Variants in STXBP6 observed in about 807,000 individuals in gnomAD.
STXBP6 encodes syntaxin-binding protein 6.
A neutral mutation model predicts 26.9 loss-of-function variants in STXBP6; 21 were observed. The observed-to-expected ratio is 0.78, with a 90% CI of 0.55 to 1.12. The LOEUF is 1.12. Among genes scored for constraint, STXBP6 ranks in the 50% most tolerant of loss-of-function variants. STXBP6 has a pLI of 0.00. For missense variants in STXBP6, 232 were observed against 257.9 expected, an observed-to-expected ratio of 0.90 and a Z score of 0.69; for synonymous variants, 97 against 92.6, an observed-to-expected ratio of 1.05 and a Z score of -0.27.
At chr14:24,885,994 G>C (rs376673491) in intron 2 of STXBP6, among the ~76,000 whole-genome samples, 12 of 152,166 alleles carry the variant, frequency 7.9e-5, no homozygotes, top group African/African-American at 2.9e-4. Context: ...CACTTATCCA[G>C]GGTAAACATG....
intron 2 of STXBP6, among the ~76,000 whole-genome samples, chr14:24,887,912 A>G (rs944896941): frequency 6.6e-6 from 1 of 152,178 alleles, no homozygotes; most frequent in Admixed American, 6.6e-5. Flanking sequence ...ATTTTAGGAC[A>G]CACTGCATTT....
chr14:24,929,096 G>C (rs1350846503), intron 2 of STXBP6, among the ~76,000 whole-genome samples: 1 of 152,064 alleles, frequency 6.6e-6, no homozygotes, highest in East Asian at 1.9e-4. Context: ...AGTGAAAAAA[G>C]GCCTCCAAAA....
rs979237282 is a variant in STXBP6 at position 25,040,903 on chromosome 14, C to T, written c.-33+8975G>A. ...AGATAGACCAGTAAGTATGTGGTTG[C>T]CAATGACAAAAAAGGATCTGAAGTC... On this transcript the variant is annotated intron_variant, in intron 1 of 5. Coordinates refer to ENST00000323944, the MANE Select transcript of STXBP6 (RefSeq NM_001394410.1). Among the ~76,000 whole-genome samples the T allele has an allele frequency of 2.8e-4, 43 of 152,074 alleles. 1 individual carries two copies.
chr14:24,929,821 T>C (rs1214817957), intron 2 of STXBP6, among the ~76,000 whole-genome samples: 3 of 152,238 alleles, frequency 2.0e-5, no homozygotes, highest in Non-Finnish European at 4.4e-5. Flanking sequence ...TTCCACTAAC[T>C]TCTTTTCCCT....
chr14:24,988,013 T>C, intron 1 of STXBP6: 1 of 345,858 alleles, frequency 2.9e-6, no homozygotes, highest in East Asian at 1.7e-4. Context: ...AGCCAATCAA[T>C]GCAGCAGCTG....
At chr14:24,926,419 G>A (rs1203011611) in intron 2 of STXBP6, among the ~76,000 whole-genome samples, 6 of 152,050 alleles carry the variant, frequency 3.9e-5, no homozygotes, top group Non-Finnish European at 5.9e-5. Context: ...GAAATGGCAC[G>A]GGATTGGTCT....
intron 2 of STXBP6, among the ~76,000 whole-genome samples, chr14:24,894,777 T>C (rs1457005863): frequency 6.6e-6 from 1 of 152,172 alleles, no homozygotes; most frequent in African/African-American, 2.4e-5. Context: ...GTGTACAAAG[T>C]GGTAGCTAGC....
chr14:25,031,571 A>G (rs2075455574), intron 1 of STXBP6, among the ~76,000 whole-genome samples: 1 of 152,272 alleles, frequency 6.6e-6, no homozygotes, highest in African/African-American at 2.4e-5. Flanking sequence ...AAAACATCAA[A>G]GAAAATAAAG....
intron 2 of STXBP6, among the ~76,000 whole-genome samples, chr14:24,923,155 C>T (rs1055463930): frequency 6.6e-6 from 1 of 152,020 alleles, no homozygotes; most frequent in Admixed American, 6.6e-5. Context: ...GTTAACCATG[C>T]CCATGTCATT....
At chr14:25,036,214 C>CAAA (rs559433301) in intron 1 of STXBP6, among the ~76,000 whole-genome samples, 3 of 80,720 alleles carry the variant, frequency 3.7e-5, no homozygotes, top group African/African-American at 1.1e-4. Flanking sequence ...AAGACTCCAT[C>CAAA]AAAAAAAAAA....
At chr14:24,857,550 C>G (rs565214774) in intron 2 of STXBP6, among the ~76,000 whole-genome samples, 40 of 152,034 alleles carry the variant, frequency 2.6e-4, no homozygotes, top group African/African-American at 3.4e-4. Flanking sequence ...CTGGGAAAGG[C>G]TGAATTTGAA....
intron 4 of STXBP6, among the ~76,000 whole-genome samples, chr14:24,848,743 C>G (rs2069048155): frequency 6.6e-6 from 1 of 152,090 alleles, no homozygotes; most frequent in Non-Finnish European, 1.5e-5. Context: ...ATTTATATCA[C>G]ACACAGAATT....
chr14:24,880,225 G>A (rs563228670), intron 2 of STXBP6, among the ~76,000 whole-genome samples: 3 of 152,060 alleles, frequency 2.0e-5, no homozygotes, highest in African/African-American at 7.2e-5. Context: ...GGAAACCAGC[G>A]GAAAGTTTCC....
At chr14:25,031,895 C>T (rs945989251) in intron 1 of STXBP6, among the ~76,000 whole-genome samples, 8 of 152,120 alleles carry the variant, frequency 5.3e-5, no homozygotes, top group African/African-American at 1.7e-4. Flanking sequence ...CCCGAGGTCA[C>T]TCTTGGACCC....
intron 1 of STXBP6, among the ~76,000 whole-genome samples, chr14:25,048,747 C>G (rs1020951686): frequency 6.6e-6 from 1 of 152,198 alleles, no homozygotes; most frequent in Non-Finnish European, 1.5e-5. Flanking sequence ...TCCTCCACCC[C>G]CAGGGTGGCT....
chr14:24,899,395 T>C (rs1458616603), intron 2 of STXBP6, among the ~76,000 whole-genome samples: 1 of 151,986 alleles, frequency 6.6e-6, no homozygotes, highest in African/African-American at 2.4e-5. Flanking sequence ...CAGGAGAAAT[T>C]AGGAGTGCTT....
intron 4 of STXBP6, among the ~76,000 whole-genome samples, chr14:24,832,111 AC>A (rs1442167644): frequency 6.6e-6 from 1 of 152,106 alleles, no homozygotes; most frequent in Non-Finnish European, 1.5e-5. Flanking sequence ...TGAAAGCACT[AC>A]CCTTATCTTT....
At chr14:24,911,232 G>A (rs760341433) in intron 2 of STXBP6, among the ~76,000 whole-genome samples, 2 of 152,024 alleles carry the variant, frequency 1.3e-5, no homozygotes, top group Non-Finnish European at 2.9e-5. Context: ...AGCTACTCAG[G>A]AGACTGAGGC....
chr14:25,008,271 A>G (rs1448979170), intron 1 of STXBP6, among the ~76,000 whole-genome samples: 1 of 152,170 alleles, frequency 6.6e-6, no homozygotes, highest in African/African-American at 2.4e-5. Flanking sequence ...TGGGAGATGA[A>G]GGTGGGAGGA....
Sources: allele counts gnomAD v4.1 joint callset (sites outside exome capture counted in the v4.1 genomes callset), GRCh38; gene constraint gnomAD v4.1.1; transcripts MANE v1.5; gene names NCBI Gene and HGNC (gene_info 2026-07-23, HGNC 2026-07-21).